SPAG16: variants seen among roughly 807,000 people sequenced by gnomAD.
SPAG16 encodes the protein sperm associated antigen 16, also known as sperm-associated antigen 16 protein.
SPAG16 carries 86 observed loss-of-function variants against 80.4 expected under a neutral mutation model. The ratio of observed to expected loss-of-function variants is 1.07; its 90% CI spans 0.90 to 1.28. SPAG16 has a LOEUF of 1.28. Among genes scored for constraint, SPAG16 ranks in the 50% most tolerant of loss-of-function variants. The probability of loss-of-function intolerance (pLI) is 0.00; values close to 1 mark genes in which losing one functional copy is unlikely to be tolerated. For missense variants in SPAG16, 870 were observed against 765.3 expected (o/e 1.14, Z -1.61); for synonymous variants, 294 against 265.9 (o/e 1.11, Z -1.03).
At chr2:214,126,191 G>A (rs1439085651) in intron 14 of SPAG16, among the ~76,000 whole-genome samples, 1 of 150,830 alleles carries the variant, frequency 6.6e-6, no homozygotes, top group Non-Finnish European at 1.5e-5. Flanking sequence ...TTACGGAGAA[G>A]GGAGAAGGGA....
intron 10 of SPAG16, among the ~76,000 whole-genome samples, chr2:213,787,896 A>G (rs1366421079): frequency 1.3e-5 from 2 of 152,082 alleles, no homozygotes; most frequent in African/African-American, 4.8e-5. Flanking sequence ...ACAAAAATTT[A>G]TCGTGAAAAC....
intron 13 of SPAG16, among the ~76,000 whole-genome samples, chr2:214,062,162 G>C (rs80252062): frequency 6.6e-6 from 1 of 152,042 alleles, no homozygotes; most frequent in Admixed American, 6.6e-5. Context: ...GCTCATGCCT[G>C]TAATCCCAGC....
chr2:213,844,401 G>C (rs10932503), intron 10 of SPAG16, among the ~76,000 whole-genome samples: 3 of 151,984 alleles, frequency 2.0e-5, no homozygotes, highest in Non-Finnish European at 2.9e-5. Context: ...CAGTGATTTC[G>C]GTTATCTAGC....
chr2:213,447,997 C>A (rs967493523), intron 9 of SPAG16, among the ~76,000 whole-genome samples: 4 of 152,212 alleles, frequency 2.6e-5, no homozygotes, highest in African/African-American at 4.8e-5. Context: ...TAATTACAGT[C>A]ACGGCACTGG....
intron 10 of SPAG16, among the ~76,000 whole-genome samples, chr2:213,808,959 T>C (rs558618301): frequency 9.2e-5 from 14 of 152,220 alleles, no homozygotes; most frequent in African/African-American, 3.1e-4. Context: ...TGGTAGAGTT[T>C]TATTGAAAAA....
intron 10 of SPAG16, among the ~76,000 whole-genome samples, chr2:213,630,610 A>C (rs1204714040): frequency 6.6e-6 from 1 of 152,242 alleles, no homozygotes; most frequent in East Asian, 1.9e-4. Context: ...TACCCAGCTC[A>C]TTGATGGCTG....
At chr2:213,530,420 T>C (rs113601624) in intron 10 of SPAG16, among the ~76,000 whole-genome samples, 2 of 152,220 alleles carry the variant, frequency 1.3e-5, no homozygotes, top group Non-Finnish European at 1.5e-5. Context: ...CTGTTCATCA[T>C]TGACTGAAAT....
chr2:213,892,104 T>C (rs1263923848), intron 11 of SPAG16, among the ~76,000 whole-genome samples: 3 of 152,146 alleles, frequency 2.0e-5, no homozygotes, highest in Non-Finnish European at 4.4e-5. Context: ...AGAATGACTG[T>C]ATAGCAGCAC....
chr2:213,643,204 G>T (rs2062670004), intron 10 of SPAG16, among the ~76,000 whole-genome samples: 2 of 150,488 alleles, frequency 1.3e-5, no homozygotes, highest in Admixed American at 1.3e-4. Flanking sequence ...ATTTTCACTG[G>T]ATATGCTATT....
intron 11 of SPAG16, among the ~76,000 whole-genome samples, chr2:213,894,987 CAAAAAAAAAAAAAA>C (rs71063793): frequency 2.0e-5 from 1 of 49,288 alleles, no homozygotes; most frequent in African/African-American, 1.2e-4. Flanking sequence ...GGCTCCATCT[CAAAAAAAAAAAAAA>C]AAAAAAAAAA....
At chr2:214,127,720 C>T (rs1486297779) in intron 14 of SPAG16, among the ~76,000 whole-genome samples, 2 of 151,868 alleles carry the variant, frequency 1.3e-5, no homozygotes, top group Non-Finnish European at 2.9e-5. Flanking sequence ...TTCCCTACTG[C>T]ATCAGTCCTG....
At position 213,350,547 on chromosome 2, in the gene SPAG16, T is replaced by A. The variant is rs750927263; in HGVS notation, c.664T>A (p.Ser222Thr). Residue 222 changes from serine to threonine, a missense_variant, in exon 7 of 16, where the codon TCT becomes ACT. By Grantham distance (58) the Ser-to-Thr change is moderately conservative. Coordinates refer to ENST00000331683, the MANE Select transcript of SPAG16 (RefSeq NM_024532.5). ...TTATAGGTTGAAGTTACATTATGCATCTTATGAACCGACTATAAGGGTGTT... is the reference window on the plus strand; with the variant it reads ...TTATAGGTTGAAGTTACATTATGCAACTTATGAACCGACTATAAGGGTGTT... Reference protein sequence around the residue: ...DLKGLKLHYASYEPTIRVLHE... With the variant: ...DLKGLKLHYATYEPTIRVLHE... 9.5e-6 allele frequency: 15 copies of A among 1,573,590 alleles called. No homozygotes were observed. The Admixed American group carries it at 2.2e-4, about 23-fold the overall frequency.
rs368812601 is a variant in SPAG16 at position 214,378,764 on chromosome 2, G to C, written c.1721-31376G>C. On this transcript the variant is annotated intron_variant, in intron 15 of 15. Transcript: ENST00000331683. ...AGAATGTCACAGAATCCTGTGCCAA[G>C]AATGTGAAGGGATAAATAAAAGTGG... Among the ~76,000 whole-genome samples the C allele has an allele frequency of 8.5e-5, 13 of 152,354 alleles. No individual in the cohort carries two copies. In the East Asian group the frequency reaches 2.3e-3, roughly 27 times the overall value.
intron 15 of SPAG16, among the ~76,000 whole-genome samples, chr2:214,243,258 G>A (rs187053446): frequency 1.4e-4 from 22 of 152,006 alleles, no homozygotes; most frequent in Non-Finnish European, 3.1e-4. Flanking sequence ...GAAAAGCCTG[G>A]TATTAAGAAC....
At chr2:213,440,637 G>C (rs79209898) in intron 9 of SPAG16, among the ~76,000 whole-genome samples, 3,574 of 152,248 alleles carry the variant, frequency 0.023, 57 homozygotes, top group African/African-American at 0.038. Context: ...TGCATACATG[G>C]TTTATTCATG....
intron 15 of SPAG16, among the ~76,000 whole-genome samples, chr2:214,274,048 C>T (rs1443869707): frequency 6.6e-6 from 1 of 152,122 alleles, no homozygotes; most frequent in Non-Finnish European, 1.5e-5. Context: ...ATTTTATTCT[C>T]TTTGTAGCAA....
Position 213,511,579 on chromosome 2 carries a change from G to C in SPAG16, c.1070+21489G>C, listed in dbSNP as rs1454364710. ...ATTTCACCCTCAAGCACATCAAAAA[G>C]AATAGTTGCCACCTAGAAAGGGCCT... is the stretch of plus-strand genomic sequence containing the variant. On this transcript the variant is annotated intron_variant, in intron 10 of 15. Coordinates refer to ENST00000331683, the MANE Select transcript of SPAG16 (RefSeq NM_024532.5). Among the ~76,000 whole-genome samples the C allele has an allele frequency of 2.6e-5, 4 of 151,854 alleles. No individual in the cohort carries two copies. The East Asian group carries it at 7.7e-4, about 29-fold the overall frequency.
chr2:213,873,728 TTTC>T (rs1392986462), intron 11 of SPAG16, among the ~76,000 whole-genome samples: 5 of 152,202 alleles, frequency 3.3e-5, no homozygotes, highest in African/African-American at 1.2e-4. Context: ...TCCCTTATAA[TTTC>T]TTTTTTGGCC....
intron 7 of SPAG16, among the ~76,000 whole-genome samples, chr2:213,355,045 G>C (rs2065554670): frequency 6.6e-6 from 1 of 152,116 alleles, no homozygotes; most frequent in African/African-American, 2.4e-5. Flanking sequence ...TTTGTATAAG[G>C]TGTAAAGAAG....
Sources: gnomAD v4.1 joint callset for allele counts (sites outside exome capture counted in the v4.1 genomes callset) on GRCh38, gnomAD v4.1.1 for gene constraint, MANE v1.5 for transcripts, NCBI Gene and HGNC (gene_info 2026-07-23, HGNC 2026-07-21) for gene names.